SYNRG: variants seen among roughly 807,000 people sequenced by gnomAD.
SYNRG encodes synergin gamma.
Under a neutral mutation model 130.9 loss-of-function variants are expected in SYNRG, and 37 were observed. The observed-to-expected ratio is 0.28, with a 90% CI of 0.22 to 0.37. SYNRG has a LOEUF of 0.37. Among genes scored for constraint, SYNRG ranks in the 10% least tolerant of loss-of-function variants. The pLI is 1.00. For missense variants in SYNRG, 1,338 were observed against 1,588.9 expected (o/e 0.84, Z 2.68); for synonymous variants, 539 against 568.1 (o/e 0.95, Z 0.73).
intron 11 of SYNRG, among the ~76,000 whole-genome samples, chr17:37,565,400 C>A (rs1040494766): frequency 3.9e-5 from 6 of 152,176 alleles, no homozygotes; most frequent in African/African-American, 1.4e-4. Context: ...GCTACAACCT[C>A]CACCTCCCAG....
intron 19 of SYNRG, among the ~76,000 whole-genome samples, chr17:37,524,286 A>G (rs2055543449): frequency 6.6e-6 from 1 of 152,188 alleles, no homozygotes; most frequent in Admixed American, 6.5e-5. Context: ...GCAAAATTAT[A>G]TGATCTGTAT....
intron 13 of SYNRG, among the ~76,000 whole-genome samples, chr17:37,558,927 C>T (rs1395500425): frequency 5.9e-5 from 9 of 152,256 alleles, no homozygotes; most frequent in South Asian, 2.1e-4. Context: ...TGGTAAAATA[C>T]GAGTTCGGTT....
In SYNRG at chr17:37,553,197, A is replaced by C. The variant is rs755385796; in HGVS notation, c.2526T>G (p.Asp842Glu). Residue 842 changes from aspartate (D) to glutamate (E), a missense_variant, in exon 14 of 22, where the codon GAT becomes GAG. Coordinates refer to ENST00000612223, the MANE Select transcript of SYNRG (RefSeq NM_007247.6). Reference sequence around the variant, plus strand: ...TGACATGCTTAAGATCTCCTCCCACATCAGCCAATTTCATGTCAAACTGAA... The same window carrying C: ...TGACATGCTTAAGATCTCCTCCCACCTCAGCCAATTTCATGTCAAACTGAA... ...LSVQFDMKLA[D>E]VGGDLKHVMS... 6.2e-7 allele frequency: 1 copy of C among 1,614,096 alleles called. No homozygotes were observed. The highest frequency in any genetic ancestry group is 1.7e-5 in the Admixed American group (1 of 59,994).
rs1008704376 is a variant in SYNRG, at chr17:37,564,018, A to ATT, written c.1482-2431_1482-2430dup. Among the ~76,000 whole-genome samples the ATT allele has an allele frequency of 3.7e-4, 54 of 144,628 alleles. 1 individual carries two copies. Among genetic ancestry groups the ATT allele is most frequent in the Admixed American group, 2.8e-3 (40 of 14,500 alleles). 94.9% of individuals were successfully genotyped at this position (144,628 alleles called of 152,430 possible). A position where few individuals can be genotyped will look rare whatever the true frequency, so the allele number is the denominator to read the frequency against. On this transcript the variant is annotated intron_variant, in intron 11 of 21. Transcript: ENST00000612223. The stretch of plus-strand genomic sequence containing the variant: ...ACCACCAGGCCTGGGTAATTTTTGT[A>ATT]TTTTTTTTTTTGTAGAGATGGGGTT...
chr17:37,593,964 C>G (rs2062448245), intron 3 of SYNRG, among the ~76,000 whole-genome samples: 1 of 151,696 alleles, frequency 6.6e-6, no homozygotes, highest in Non-Finnish European at 1.5e-5. Flanking sequence ...AAGACTTTGG[C>G]TGCTTTGTCT....
chr17:37,603,151 A>C (rs1343037120), intron 1 of SYNRG, among the ~76,000 whole-genome samples: 1 of 152,160 alleles, frequency 6.6e-6, no homozygotes, highest in Non-Finnish European at 1.5e-5. Flanking sequence ...CTGAGTGAGA[A>C]AGGCTCTTAA....
chr17:37,521,693 AGAAGTCTG>A (rs2055083471), intron 19 of SYNRG, among the ~76,000 whole-genome samples: 1 of 152,236 alleles, frequency 6.6e-6, no homozygotes, highest in Admixed American at 6.5e-5. Context: ...GGCCTCAGCC[AGAAGTCTG>A]CTGTAGCAGT....
At chr17:37,545,145 G>C (rs1045820863) in intron 14 of SYNRG, among the ~76,000 whole-genome samples, 6 of 151,848 alleles carry the variant, frequency 4.0e-5, no homozygotes, top group East Asian at 1.9e-4. Context: ...CTTAAACCCA[G>C]CAAGCAGAGG....
In SYNRG at chr17:37,515,561, C is replaced by G. The variant is rs2054365522; in HGVS notation, c.*3379G>C. ...GCAACCTCCGCCTCTCTGGTTCAAG[C>G]AATTCTCCTGCCTCAGCCTCCCGAG... On this transcript the variant is annotated 3_prime_UTR_variant, in exon 22 of 22. Transcript: ENST00000612223. 1 of 152,322 alleles carries G rather than the reference C, an allele frequency of 6.6e-6. No homozygotes were observed. The highest frequency in any genetic ancestry group is 2.4e-5 in the African/African-American group (1 of 41,448). 9.4% of individuals were successfully genotyped at this position (152,322 alleles called of 1,614,324 possible).
chr17:37,609,261 C>G lies in SYNRG; in HGVS notation c.77+18G>C. On this transcript the variant is annotated intron_variant, in intron 1 of 21. Transcript: ENST00000612223. Reference sequence around the variant, plus strand: ...CCCGCGGAGGCCAGCGGGCTCCCGCCCGGCTCTTCACACCTACCCGCCTCC... The same window carrying G: ...CCCGCGGAGGCCAGCGGGCTCCCGCGCGGCTCTTCACACCTACCCGCCTCC... 1 of 1,428,760 alleles carries G rather than the reference C, an allele frequency of 7.0e-7. No homozygotes were observed. Among genetic ancestry groups the G allele is most frequent in the Non-Finnish European group, 9.1e-7 (1 of 1,098,046 alleles). 88.5% of individuals were successfully genotyped at this position (1,428,760 alleles called of 1,614,324 possible). A position where few individuals can be genotyped will look rare whatever the true frequency, so the allele number is the denominator to read the frequency against.
chr17:37,591,779 C>T (rs1013840934), intron 3 of SYNRG, among the ~76,000 whole-genome samples: 1 of 152,138 alleles, frequency 6.6e-6, no homozygotes, highest in Non-Finnish European at 1.5e-5. Context: ...AAAACAACCT[C>T]AATCTAAGTC....
intron 13 of SYNRG, 66 bp from the exon 14 acceptor site, chr17:37,554,125 A>G (rs1031868133): frequency 1.6e-5 from 22 of 1,414,368 alleles, no homozygotes; most frequent in Non-Finnish European, 2.1e-5. Context: ...TACACAGTAT[A>G]TTAAACTGCA....
chr17:37,599,144 G>A (rs1212903007), intron 2 of SYNRG, among the ~76,000 whole-genome samples: 1 of 152,070 alleles, frequency 6.6e-6, no homozygotes, highest in African/African-American at 2.4e-5. Context: ...GCAAATCTAT[G>A]ACAACCAATC....
chr17:37,547,626 C>A (rs984974897), intron 14 of SYNRG, among the ~76,000 whole-genome samples: 1 of 152,176 alleles, frequency 6.6e-6, no homozygotes, highest in Non-Finnish European at 1.5e-5. Flanking sequence ...CCACACCTGG[C>A]TAATTTTTGT....
In SYNRG at chr17:37,561,547, C is replaced by T. The variant is rs368013361; in HGVS notation, c.1524G>A (p.Leu508=). The change falls in exon 12 of 22, where the codon TTG becomes TTA. Residue 508 remains leucine (L), a synonymous_variant. Coordinates refer to ENST00000612223, the MANE Select transcript of SYNRG (RefSeq NM_007247.6). ...ACACAGCATATTTGTCCATTGAAGG[C>T]AATGCTTTAGTTCCAGGAAGTGGCA... The part of the protein sequence containing the change: ...LLMPLPGTKA[L]PSMDKYAVFK... 6 of 1,613,524 alleles carry T rather than the reference C, an allele frequency of 3.7e-6. No homozygotes were observed. Among genetic ancestry groups the T allele is most frequent in the Non-Finnish European group, 5.1e-6 (6 of 1,179,632 alleles).
intron 3 of SYNRG, among the ~76,000 whole-genome samples, chr17:37,592,316 A>G (rs1374437933): frequency 6.6e-6 from 1 of 152,222 alleles, no homozygotes; most frequent in Non-Finnish European, 1.5e-5. Context: ...AGGATGCAGT[A>G]TAATTGAACC....
At chr17:37,554,698 A>C (rs942864486) in intron 13 of SYNRG, among the ~76,000 whole-genome samples, 2 of 152,240 alleles carry the variant, frequency 1.3e-5, no homozygotes, top group Non-Finnish European at 2.9e-5. Context: ...GGTGGGGCAC[A>C]TTGTAAAGCA....
intron 19 of SYNRG, among the ~76,000 whole-genome samples, chr17:37,534,844 G>A (rs2057035681): frequency 6.6e-6 from 1 of 151,860 alleles, no homozygotes; most frequent in Admixed American, 6.6e-5. Flanking sequence ...CAGAAAATTA[G>A]AACTGCTTCC....
chr17:37,609,205 C>T, intron 1 of SYNRG, 74 bp downstream of exon 1: 2 of 1,349,134 alleles, frequency 1.5e-6, no homozygotes, highest in Non-Finnish European at 1.9e-6. Context: ...CTGGAGAAAA[C>T]TGCCATAACT....
Sources: gnomAD v4.1 joint callset for allele counts (sites outside exome capture counted in the v4.1 genomes callset) on GRCh38, gnomAD v4.1.1 for gene constraint, MANE v1.5 for transcripts, NCBI Gene and HGNC (gene_info 2026-07-23, HGNC 2026-07-21) for gene names.